RNF182: variants seen among roughly 807,000 people sequenced by gnomAD.
RNF182 encodes E3 ubiquitin-protein ligase RNF182.
Under a neutral mutation model 14.4 loss-of-function variants are expected in RNF182, and 15 were observed. That is an observed-to-expected ratio of 1.04 (90% confidence interval 0.70 to 1.60). RNF182 has a LOEUF of 1.60. Ranked by LOEUF, RNF182 falls within the 40% of genes most tolerant of loss-of-function variation. The pLI, the probability that RNF182 is intolerant of heterozygous loss-of-function variation, is 0.00. For synonymous variants in RNF182, 128 were observed against 122.9 expected (o/e 1.04, Z -0.27); for missense variants, 268 against 294.8 (o/e 0.91, Z 0.67).
chr6:13,933,217 T>G (rs1414109333), intron 1 of RNF182, among the ~76,000 whole-genome samples: 2 of 152,176 alleles, frequency 1.3e-5, no homozygotes, highest in East Asian at 1.9e-4. Context: ...CAATATGTAC[T>G]TTTAAGTTAT....
chr6:13,965,942 G>GGATCTGGTGTGGT (rs762986786), intron 1 of RNF182, among the ~76,000 whole-genome samples: 7 of 152,214 alleles, frequency 4.6e-5, no homozygotes, highest in African/African-American at 1.4e-4. Context: ...GGCCCCTCAA[G>GGATCTGGTGTGGT]GATCTGGTGT....
chr6:13,971,659 G>A (rs535079970), intron 1 of RNF182, among the ~76,000 whole-genome samples: 9 of 152,318 alleles, frequency 5.9e-5, no homozygotes, highest in Admixed American at 2.6e-4. Flanking sequence ...ACAGAAAGAT[G>A]TGGGGAAGTT....
chr6:13,941,515 G>T (rs1372003167), intron 1 of RNF182, among the ~76,000 whole-genome samples: 1 of 151,994 alleles, frequency 6.6e-6, no homozygotes, highest in East Asian at 1.9e-4. Flanking sequence ...GCAGCTAATA[G>T]TTCATTTACA....
At chr6:13,950,610 C>T (rs2113613218) in intron 1 of RNF182, among the ~76,000 whole-genome samples, 1 of 149,824 alleles carries the variant, frequency 6.7e-6, no homozygotes, top group East Asian at 2.0e-4. Context: ...AATTCTCGTG[C>T]CTCAACCTCC....
At position 13,979,584 on chromosome 6, in the gene RNF182, A is replaced by C. The variant is rs1175139795; in HGVS notation, c.*1721A>C. On this transcript the variant is annotated 3_prime_UTR_variant, in exon 3 of 3. Coordinates refer to ENST00000488300, the MANE Select transcript of RNF182 (RefSeq NM_152737.4). The stretch of plus-strand genomic sequence containing the variant: ...GCTAAATACATTTATGATTTCATAA[A>C]ATCTAGTTTAGATAGCATTGTGATG... The C allele has an allele frequency of 6.0e-6, 1 of 166,944 alleles. No individual in the cohort carries two copies. The highest frequency in any genetic ancestry group is 1.9e-4 in the East Asian group (1 of 5,208). The allele number at this position is 166,944 out of a possible 1,614,324, so 10.3% of individuals were successfully genotyped here. A position where few individuals can be genotyped will look rare whatever the true frequency, so the allele number is the denominator to read the frequency against.
At chr6:13,934,366 T>C (rs9475807) in intron 1 of RNF182, among the ~76,000 whole-genome samples, 48,034 of 152,104 alleles carry the variant, frequency 0.32, 8,224 homozygotes, top group East Asian at 0.61. Context: ...GTTTGAGATA[T>C]CTCCTTTCAT....
intron 1 of RNF182, among the ~76,000 whole-genome samples, chr6:13,962,266 TCAAGCTC>T (rs1158647125): frequency 3.9e-5 from 6 of 152,220 alleles, no homozygotes; most frequent in Non-Finnish European, 8.8e-5. Context: ...AATTTGAGAC[TCAAGCTC>T]CATAAATAAT....
rs1759099750 is a variant in RNF182 at position 13,935,996 on chromosome 6, T to C, written c.-367+10973T>C. Among the ~76,000 whole-genome samples, 2 of 152,184 alleles carry C rather than the reference T, an allele frequency of 1.3e-5. 1 individual carries two copies. Among genetic ancestry groups the C allele is most frequent in the South Asian group, 4.1e-4 (2 of 4,828 alleles). On this transcript the variant is annotated intron_variant, in intron 1 of 2. Coordinates refer to ENST00000488300, the MANE Select transcript of RNF182 (RefSeq NM_152737.4). ...GAGGCCTCAGGAAACTTAACAATCA[T>C]GGCACAAGGCCAAGGGAAAAGAGGC...
At chr6:13,963,230 CAG>C (rs1270776884) in intron 1 of RNF182, among the ~76,000 whole-genome samples, 1 of 152,062 alleles carries the variant, frequency 6.6e-6, no homozygotes, top group Non-Finnish European at 1.5e-5. Context: ...TTTTGACTGA[CAG>C]AACTTGCAAG....
chr6:13,966,396 T>C (rs576719068), intron 1 of RNF182, among the ~76,000 whole-genome samples: 1 of 152,322 alleles, frequency 6.6e-6, no homozygotes, highest in South Asian at 2.1e-4. Flanking sequence ...TAAAGGTGAA[T>C]GAACTTGGAA....
At chr6:13,956,211 A>G (rs746547935) in intron 1 of RNF182, among the ~76,000 whole-genome samples, 52 of 151,320 alleles carry the variant, frequency 3.4e-4, no homozygotes, top group Non-Finnish European at 4.3e-4. Flanking sequence ...CTTGATTCCA[A>G]ATCTTGGCTA....
Position 13,949,068 on chromosome 6 carries a change from C to T in RNF182, c.-367+24045C>T, listed in dbSNP as rs549122287. 8.7e-6 allele frequency: 6 copies of T among 687,616 alleles called. No homozygotes were observed. In the East Asian group the frequency reaches 1.3e-4, roughly 15 times the overall value. The allele number at this position is 687,616 out of a possible 1,614,324, so 42.6% of individuals were successfully genotyped here. ...TAAGATTTTCACAAACCTTTTATAA[C>T]CCTTTAAATTTTTTGTTGATGGCAA... On this transcript the variant is annotated intron_variant, in intron 1 of 2. Coordinates refer to ENST00000488300, the MANE Select transcript of RNF182 (RefSeq NM_152737.4).
rs573876507 is a variant in RNF182, at chr6:13,941,069, A to C, written c.-367+16046A>C. ...TAGTTGTAATTGCAGAATTTGGTGC[A>C]CATAGATTGGGTCAAATTCATTAAT... is the stretch of plus-strand genomic sequence containing the variant. On this transcript the variant is annotated intron_variant, in intron 1 of 2. Transcript: ENST00000488300. Among the ~76,000 whole-genome samples the C allele has an allele frequency of 2.6e-5, 4 of 152,154 alleles. No homozygotes were observed. The East Asian group carries it at 7.7e-4, about 29-fold the overall frequency.
chr6:13,979,274 A>C lies in RNF182; in HGVS notation c.*1411A>C, dbSNP rs1465352628. 2 of 166,302 alleles carry C rather than the reference A, an allele frequency of 1.2e-5. No homozygotes were observed. Among genetic ancestry groups the C allele is most frequent in the African/African-American group, 4.8e-5 (2 of 41,448 alleles). The allele number at this position is 166,302 out of a possible 1,614,324, so 10.3% of individuals were successfully genotyped here. ...CAAGTTGGCAAAATAGACTGTTCAC[A>C]GAAACTAGGCAAAAATTTAAAAAAA... On this transcript the variant is annotated 3_prime_UTR_variant, in exon 3 of 3. Transcript: ENST00000488300.
rs1245396002 is a variant in RNF182 at position 13,977,582 on chromosome 6, C to A, written c.463C>A (p.Pro155Thr). Residue 155 changes from proline to threonine, a missense_variant, in exon 3 of 3, where the codon CCT becomes ACT. Coordinates refer to ENST00000488300, the MANE Select transcript of RNF182 (RefSeq NM_152737.4). ...CACTCCTGTGGTAGAATTTTATAGG[C>A]CTGCGAGTTTCGACTCTGTCACCAC... is the stretch of plus-strand genomic sequence containing the variant. ...SSTPVVEFYR[P>T]ASFDSVTTVS... 24 of 1,614,064 alleles carry A rather than the reference C, an allele frequency of 1.5e-5. No individual in the cohort carries two copies. Among genetic ancestry groups the A allele is most frequent in the Non-Finnish European group, 1.9e-5 (23 of 1,180,026 alleles).
intron 1 of RNF182, among the ~76,000 whole-genome samples, chr6:13,936,976 T>C (rs1466821272): frequency 6.6e-6 from 1 of 152,100 alleles, no homozygotes; most frequent in Admixed American, 6.5e-5. Context: ...GAGATGTGGC[T>C]GGTGAGGTAG....
At chr6:13,976,164 A>G (rs1182690588) in intron 2 of RNF182, among the ~76,000 whole-genome samples, 1 of 152,202 alleles carries the variant, frequency 6.6e-6, no homozygotes, top group African/African-American at 2.4e-5. Context: ...AGACATAGCT[A>G]TGCATGTTTT....
Position 13,977,803 on chromosome 6 carries a change from G to A in RNF182, c.684G>A (p.Val228=), listed in dbSNP as rs1480347564. The change falls in exon 3 of 3, where the codon GTG becomes GTA. Residue 228 remains valine, a synonymous_variant. Transcript: ENST00000488300. ...LVPSSLVILM[V]YGFCQCVCHE... ...CTTCGAGCCTCGTTATTCTTATGGTGTATGGTTTTTGCCAGTGTGTTTGTC... is the reference window on the plus strand; with the variant it reads ...CTTCGAGCCTCGTTATTCTTATGGTATATGGTTTTTGCCAGTGTGTTTGTC... 1.2e-6 allele frequency: 2 copies of A among 1,614,006 alleles called. No homozygotes were observed. Among genetic ancestry groups the A allele is most frequent in the African/African-American group, 1.3e-5 (1 of 74,926 alleles).
intron 2 of RNF182, 130 bp from the exon 3 acceptor site, chr6:13,976,779 T>C: frequency 3.9e-6 from 1 of 258,034 alleles, no homozygotes; most frequent in Non-Finnish European, 7.4e-6. Flanking sequence ...TGTGAAAAGA[T>C]GAAGGGGATT....
Sources: allele counts gnomAD v4.1 joint callset (sites outside exome capture counted in the v4.1 genomes callset), GRCh38; gene constraint gnomAD v4.1.1; transcripts MANE v1.5; gene names NCBI Gene and HGNC (gene_info 2026-07-23, HGNC 2026-07-21).